Variants in TET2 observed in about 807,000 individuals in gnomAD.
TET2 encodes tet methylcytosine dioxygenase 2, also known as methylcytosine dioxygenase TET2.
A neutral mutation model predicts 142.9 loss-of-function variants in TET2; 299 were observed. The observed-to-expected ratio is 2.09, with a 90% confidence interval of 1.90 to 2.30. The LOEUF is 2.30. Among genes scored for constraint, TET2 ranks in the 30% most tolerant of loss-of-function variants. The pLI, the probability that TET2 is intolerant of heterozygous loss-of-function variation, is 0.00. For synonymous variants in TET2, 819 were observed against 849.0 expected, an observed-to-expected ratio of 0.96 and a Z score of 0.61; for missense variants, 2,418 against 2,378.0, an observed-to-expected ratio of 1.02 and a Z score of -0.35.
chr4:105,191,223 A>G (rs770608285), intron 2 of TET2, among the ~76,000 whole-genome samples: 3 of 152,088 alleles, frequency 2.0e-5, no homozygotes, highest in Non-Finnish European at 4.4e-5. Flanking sequence ...AAAGAGGGAG[A>G]TACAAAATAC....
At chr4:105,221,718 T>G (rs1372557701) in intron 2 of TET2, among the ~76,000 whole-genome samples, 1 of 152,052 alleles carries the variant, frequency 6.6e-6, no homozygotes, top group African/African-American at 2.4e-5. Context: ...TATTTTTTAT[T>G]TTTTTATTAT....
intron 1 of TET2, among the ~76,000 whole-genome samples, chr4:105,163,843 GA>G (rs1174014021): frequency 7.1e-6 from 1 of 140,098 alleles, no homozygotes; most frequent in East Asian, 1.9e-4. Flanking sequence ...GAGAGAGAGA[GA>G]GAGAGAGAGA....
At chr4:105,168,929 A>C (rs1724305771) in intron 1 of TET2, among the ~76,000 whole-genome samples, 1 of 152,186 alleles carries the variant, frequency 6.6e-6, no homozygotes, top group African/African-American at 2.4e-5. Context: ...ATTCCTTTTT[A>C]TGGCTGAGTA....
chr4:105,238,330 G>C (rs1729078098), intron 3 of TET2: 1 of 238,128 alleles, frequency 4.2e-6, no homozygotes, highest in Non-Finnish European at 8.9e-6. Context: ...TAAGACAACA[G>C]TGAAGTGCTG....
intron 2 of TET2, among the ~76,000 whole-genome samples, chr4:105,204,161 G>A (rs1185487430): frequency 6.7e-6 from 1 of 149,768 alleles, no homozygotes; most frequent in Non-Finnish European, 1.5e-5. Flanking sequence ...TCGCGTCACT[G>A]CATTCCAGCC....
chr4:105,189,757 C>T (rs1725678606), intron 1 of TET2, among the ~76,000 whole-genome samples: 1 of 152,180 alleles, frequency 6.6e-6, no homozygotes, highest in South Asian at 2.1e-4. Context: ...TATGTCCAGT[C>T]TCTCCAGCTA....
rs373516434 is a variant in TET2, at chr4:105,272,709, C to T, written c.4328C>T (p.Ala1443Val). Residue 1443 changes from alanine (A) to valine (V), a missense_variant, in exon 10 of 11, where the codon GCC becomes GTC. By Grantham distance (64) the Ala-to-Val change is moderately conservative (BLOSUM62 0). Transcript: ENST00000380013. ...CAGGAGGAGAAAAAACGGAGTGGTGCCATTCAGGTACTGAGTTCTTTTCGG... is the reference window on the plus strand; with the variant it reads ...CAGGAGGAGAAAAAACGGAGTGGTGTCATTCAGGTACTGAGTTCTTTTCGG... ...EAQEEKKRSG[A>V]IQVLSSFRRK... 12 of 1,551,512 alleles carry T rather than the reference C, an allele frequency of 7.7e-6. No individual in the cohort carries two copies. Among genetic ancestry groups the T allele is most frequent in the Non-Finnish European group, 1.0e-5 (12 of 1,146,980 alleles).
chr4:105,276,245 A>C lies in TET2; in HGVS notation c.5735A>C (p.His1912Pro). The C allele has an allele frequency of 6.4e-7, 1 of 1,551,650 alleles. No individual in the cohort carries two copies. Among genetic ancestry groups the C allele is most frequent in the Non-Finnish European group, 8.7e-7 (1 of 1,146,954 alleles). ...YQHKSMNEPKHGLALWEAKMA... is the reference protein window; with the variant it reads ...YQHKSMNEPKPGLALWEAKMA... ...CATAAGAGCATGAATGAGCCAAAAC[A>C]TGGCTTGGCTCTTTGGGAAGCCAAA... Residue 1912 changes from histidine (H) to proline (P), a missense_variant, in exon 11 of 11, where the codon CAT (histidine) becomes CCT (proline). Physicochemically the swap from His to Pro is moderately conservative, Grantham distance 77 (BLOSUM62 -2). Coordinates refer to ENST00000380013, the MANE Select transcript of TET2 (RefSeq NM_001127208.3).
At chr4:105,147,589 A>G (rs1390385834) in intron 1 of TET2, 1 of 151,190 alleles carries the variant, frequency 6.6e-6, no homozygotes, top group Non-Finnish European at 1.5e-5. Flanking sequence ...TTTTTTCCTT[A>G]AGTCCGCGCG....
At chr4:105,159,958 C>T (rs1383889470) in intron 1 of TET2, among the ~76,000 whole-genome samples, 1 of 151,954 alleles carries the variant, frequency 6.6e-6, no homozygotes, top group Non-Finnish European at 1.5e-5. Context: ...GAGCCGAGAT[C>T]GCGCCACTGC....
chr4:105,235,619 T>G lies in TET2; in HGVS notation c.1677T>G (p.Tyr559Ter), dbSNP rs1276436893. 6.2e-7 allele frequency: 1 copy of G among 1,614,162 alleles called. No individual in the cohort carries two copies. The highest frequency in any genetic ancestry group is 8.5e-7 in the Non-Finnish European group (1 of 1,180,004). ...TRDLVPPTQH[Y>*]LKPGWIELKA... ...ATCTTGTGCCCCCAACACAGCACTATCTGAAACCAGGATGGATTGAATTGA... is the reference window on the plus strand; with the variant it reads ...ATCTTGTGCCCCCAACACAGCACTAGCTGAAACCAGGATGGATTGAATTGA... Residue 559 changes from tyrosine to a stop codon, truncating the protein, a stop_gained, in exon 3 of 11, where the codon TAT becomes TAG. Transcript: ENST00000380013. LOFTEE classifies it high-confidence loss of function.
At chr4:105,221,295 AAACTGGTTGGTT>A (rs1727802038) in intron 2 of TET2, among the ~76,000 whole-genome samples, 1 of 152,140 alleles carries the variant, frequency 6.6e-6, no homozygotes, top group Admixed American at 6.6e-5. Context: ...TACCAATAAG[AAACTGGTTGGTT>A]AACTTGGGTT....
chr4:105,172,486 A>G (rs1362538603), intron 1 of TET2: 1 of 152,230 alleles, frequency 6.6e-6, no homozygotes, highest in East Asian at 1.9e-4. Flanking sequence ...AGTATGCTGA[A>G]GAAGAGGAGG....
At chr4:105,258,053 A>G (rs1009107378) in intron 6 of TET2, among the ~76,000 whole-genome samples, 10 of 152,162 alleles carry the variant, frequency 6.6e-5, no homozygotes, top group Non-Finnish European at 1.5e-4. Flanking sequence ...TTCATAATAA[A>G]TGTGGGCTGT....
rs538191560 is a variant in TET2, at chr4:105,272,125, G to A, written c.4183-439G>A. On this transcript the variant is annotated intron_variant, in intron 9 of 10. Coordinates refer to ENST00000380013, the MANE Select transcript of TET2 (RefSeq NM_001127208.3). ...TTTGTGTTCAGAAGTATGAGATGAG[G>A]CAAATGTGATACTACCAAAAACAGA... Among the ~76,000 whole-genome samples the A allele has an allele frequency of 3.0e-4, 45 of 152,176 alleles. No homozygotes were observed. The East Asian group carries it at 8.3e-3, about 28-fold the overall frequency.
intron 2 of TET2, among the ~76,000 whole-genome samples, chr4:105,205,925 C>T (rs1275844941): frequency 6.6e-6 from 1 of 152,232 alleles, no homozygotes; most frequent in Non-Finnish European, 1.5e-5. Flanking sequence ...TGAGCCACCA[C>T]ACCCAGCCGA....
chr4:105,151,624 C>T (rs750461052), intron 1 of TET2, among the ~76,000 whole-genome samples: 20 of 151,860 alleles, frequency 1.3e-4, no homozygotes, highest in Non-Finnish European at 2.5e-4. Context: ...CACTTGAGGC[C>T]AGAAGTTCTA....
chr4:105,199,068 A>G (rs1726277481), intron 2 of TET2, among the ~76,000 whole-genome samples: 1 of 152,208 alleles, frequency 6.6e-6, no homozygotes, highest in South Asian at 2.1e-4. Flanking sequence ...TGATGAACAT[A>G]AATGTTTTAC....
chr4:105,164,194 C>T (rs953820552), intron 1 of TET2, among the ~76,000 whole-genome samples: 1 of 152,114 alleles, frequency 6.6e-6, no homozygotes, highest in African/African-American at 2.4e-5. Flanking sequence ...ACCTATTTCC[C>T]CTACTACCCA....
Sources: gnomAD v4.1 joint callset for allele counts (sites outside exome capture counted in the v4.1 genomes callset) on GRCh38, gnomAD v4.1.1 for gene constraint, MANE v1.5 for transcripts, NCBI Gene and HGNC (gene_info 2026-07-23, HGNC 2026-07-21) for gene names.